KIF26B: variants seen among roughly 807,000 people sequenced by gnomAD.
The protein encoded by KIF26B is kinesin family member 26B, also known as kinesin-like protein KIF26B.
Under a neutral mutation model 151.2 loss-of-function variants are expected in KIF26B, and 63 were observed. That is an observed-to-expected ratio of 0.42 (90% confidence interval 0.34 to 0.51). The LOEUF is 0.51. Among genes scored for constraint, KIF26B ranks in the 20% least tolerant of loss-of-function variants. KIF26B has a pLI of 0.07. For synonymous variants in KIF26B, 1,357 were observed against 1,262.1 expected (o/e 1.08, Z -1.59); for missense variants, 2,813 against 2,913.6 (o/e 0.97, Z 0.79).
intron 4 of KIF26B, among the ~76,000 whole-genome samples, chr1:245,470,513 C>T (rs1343640785): frequency 6.6e-6 from 1 of 152,154 alleles, no homozygotes; most frequent in East Asian, 1.9e-4. Flanking sequence ...TCACTGCAAG[C>T]TCCGCCTCCC....
chr1:245,429,678 A>G (rs1348355877), intron 4 of KIF26B, among the ~76,000 whole-genome samples: 7 of 152,118 alleles, frequency 4.6e-5, no homozygotes, highest in Non-Finnish European at 7.4e-5. Context: ...CAGTGGCACA[A>G]TCTCGGCTCA....
At chr1:245,489,652 G>A (rs1660354770) in intron 4 of KIF26B, among the ~76,000 whole-genome samples, 1 of 152,110 alleles carries the variant, frequency 6.6e-6, no homozygotes. Flanking sequence ...TTCCTCGTCG[G>A]GCTATGTATA....
intron 4 of KIF26B, among the ~76,000 whole-genome samples, chr1:245,463,887 T>C (rs939509067): frequency 2.0e-5 from 3 of 152,234 alleles, no homozygotes; most frequent in South Asian, 2.1e-4. Flanking sequence ...TTGGGAATAC[T>C]TGTGAGGTTT....
At chr1:245,308,843 T>C (rs1671609593) in intron 2 of KIF26B, among the ~76,000 whole-genome samples, 2 of 152,218 alleles carry the variant, frequency 1.3e-5, no homozygotes, top group Admixed American at 1.3e-4. Context: ...GGTTCAGTTC[T>C]AAGATGAGGT....
At chr1:245,334,771 C>T (rs997092254) in intron 2 of KIF26B, among the ~76,000 whole-genome samples, 2 of 152,198 alleles carry the variant, frequency 1.3e-5, no homozygotes, top group African/African-American at 4.8e-5. Flanking sequence ...TGAGCATTTT[C>T]TCTATGTCTA....
At chr1:245,537,106 G>T (rs555894598) in intron 4 of KIF26B, among the ~76,000 whole-genome samples, 2 of 152,318 alleles carry the variant, frequency 1.3e-5, no homozygotes, top group Non-Finnish European at 2.9e-5. Context: ...GGAAAGGACT[G>T]TCTGCCATGA....
intron 2 of KIF26B, among the ~76,000 whole-genome samples, chr1:245,344,182 ATC>A (rs1439471750): frequency 7.9e-6 from 1 of 125,968 alleles, no homozygotes; most frequent in African/African-American, 3.1e-5. Flanking sequence ...CTCCCTCCCT[ATC>A]TCTTTCTTTC....
Position 245,607,554 on chromosome 1 carries a change from G to A in KIF26B, c.1558-97G>A, listed in dbSNP as rs541385271. 95 of 932,130 alleles carry A rather than the reference G, an allele frequency of 1.0e-4. 1 individual carries two copies. In the South Asian group the frequency reaches 1.6e-3, roughly 16 times the overall value. 57.7% of individuals were successfully genotyped at this position (932,130 alleles called of 1,614,324 possible). On this transcript the variant is annotated intron_variant, in intron 6 of 14. Transcript: ENST00000407071. ...CCACCTGGGAACACAGTGACACTGG[G>A]ACCCGAAGCCCCAGGAAGGTGGGCT...
At chr1:245,408,023 A>G (rs1416881061) in intron 3 of KIF26B, among the ~76,000 whole-genome samples, 1 of 152,090 alleles carries the variant, frequency 6.6e-6, no homozygotes, top group Non-Finnish European at 1.5e-5. Flanking sequence ...ACTATTTGGG[A>G]GTGAGAAACA....
At chr1:245,427,401 G>A (rs1658673021) in intron 4 of KIF26B, among the ~76,000 whole-genome samples, 1 of 152,186 alleles carries the variant, frequency 6.6e-6, no homozygotes, top group African/African-American at 2.4e-5. Context: ...CTGAGGTCGG[G>A]AGTTTGCGAC....
intron 14 of KIF26B, among the ~76,000 whole-genome samples, chr1:245,700,624 G>T (rs544689026): frequency 6.6e-6 from 1 of 152,080 alleles, no homozygotes; most frequent in Non-Finnish European, 1.5e-5. Flanking sequence ...CAGAGATTGC[G>T]CCAGACCCTG....
chr1:245,699,955 G>T (rs1017042268), intron 14 of KIF26B, among the ~76,000 whole-genome samples: 2 of 151,932 alleles, frequency 1.3e-5, no homozygotes, highest in Non-Finnish European at 2.9e-5. Flanking sequence ...TGAAGGTGCG[G>T]AAGAAAGTGG....
In KIF26B at chr1:245,687,246, C is replaced by A. The variant is rs748119085; in HGVS notation, c.4263C>A (p.Ala1421=). ...TATPKAGPTL[A]QSRESKENSA... Reference sequence around the variant, plus strand: ...CCCCCAAAGCAGGCCCCACATTAGCCCAGTCCCGGGAGAGTAAGGAAAACA... The same window carrying A: ...CCCCCAAAGCAGGCCCCACATTAGCACAGTCCCGGGAGAGTAAGGAAAACA... The change falls in exon 12 of 15, where the codon GCC becomes GCA. Residue 1421 remains alanine, a synonymous_variant. Coordinates refer to ENST00000407071, the MANE Select transcript of KIF26B (RefSeq NM_018012.4). The surrounding 1 kb of genome is among the most constrained non-coding windows in gnomAD (Gnocchi z 4.9). 11 of 1,612,654 alleles carry A rather than the reference C, an allele frequency of 6.8e-6. No homozygotes were observed. The South Asian group carries it at 1.2e-4, about 18-fold the overall frequency.
intron 2 of KIF26B, among the ~76,000 whole-genome samples, chr1:245,314,076 C>T (rs1226982579): frequency 6.6e-6 from 1 of 152,188 alleles, no homozygotes; most frequent in East Asian, 1.9e-4. Context: ...GAGGCCTGCT[C>T]TTGTATGTGA....
Position 245,239,163 on chromosome 1 carries a change from T to TG in KIF26B, c.465+82482dup, listed in dbSNP as rs1212823387. Reference sequence around the variant, plus strand: ...GTAGTGGGAGGCCCAGGACATTTAGTGGAAGATGGACATGGGCAGGAGTTA... The same window carrying TG: ...GTAGTGGGAGGCCCAGGACATTTAGTGGGAAGATGGACATGGGCAGGAGTTA... On this transcript the variant is annotated intron_variant, in intron 2 of 14. Transcript: ENST00000407071. The surrounding 1 kb of genome is among the most constrained non-coding windows in gnomAD (Gnocchi z 4.3). 5.3e-5 allele frequency among the ~76,000 whole-genome samples: 8 copies of TG among 152,176 alleles called. No homozygotes were observed. Among genetic ancestry groups the TG allele is most frequent in the Non-Finnish European group, 1.0e-4 (7 of 68,030 alleles).
intron 10 of KIF26B, among the ~76,000 whole-genome samples, chr1:245,661,672 AAT>A (rs150604949): frequency 0.028 from 4,119 of 147,812 alleles, 160 homozygotes; most frequent in African/African-American, 0.086. Context: ...ACACACACTC[AAT>A]ATATATATAT....
chr1:245,190,843 T>A (rs1669094706), intron 2 of KIF26B, among the ~76,000 whole-genome samples: 2 of 151,580 alleles, frequency 1.3e-5, no homozygotes, highest in Non-Finnish European at 2.9e-5. Context: ...GTGGATCACC[T>A]GAGGTCAGGA....
At chr1:245,632,012 C>A (rs1485287876) in intron 9 of KIF26B, among the ~76,000 whole-genome samples, 1 of 151,482 alleles carries the variant, frequency 6.6e-6, no homozygotes, top group Non-Finnish European at 1.5e-5. Flanking sequence ...TTTTCTTGAT[C>A]CTTTGTAATT....
chr1:245,637,341 G>A lies in KIF26B; in HGVS notation c.2099-8780G>A, dbSNP rs760225424. Reference sequence around the variant, plus strand: ...TGATAAATGTCTATTCAGGTCTTTTGCTCATTTTAAATTGGATTATCTGGG... The same window carrying A: ...TGATAAATGTCTATTCAGGTCTTTTACTCATTTTAAATTGGATTATCTGGG... On this transcript the variant is annotated intron_variant, in intron 9 of 14. Coordinates refer to ENST00000407071, the MANE Select transcript of KIF26B (RefSeq NM_018012.4). Among the ~76,000 whole-genome samples the A allele has an allele frequency of 2.8e-4, 42 of 151,958 alleles. 2 individuals carry two copies. The highest frequency in any genetic ancestry group is 1.6e-4 in the Non-Finnish European group (11 of 67,898).
Sources: gnomAD v4.1 joint callset for allele counts (sites outside exome capture counted in the v4.1 genomes callset) on GRCh38, gnomAD v4.1.1 for gene constraint, Gnocchi (gnomAD v3.1) non-coding constraint, MANE v1.5 for transcripts, NCBI Gene and HGNC (gene_info 2026-07-23, HGNC 2026-07-21) for gene names.